The following SDK1 variants were observed in gnomAD, a reference collection of about 807,000 sequenced individuals.
SDK1 encodes the protein sidekick cell adhesion molecule 1.
A neutral mutation model predicts 245.5 loss-of-function variants in SDK1; 157 were observed. That is an observed-to-expected ratio of 0.64 (90% CI 0.56 to 0.73). The LOEUF is 0.73. Ranked by LOEUF, SDK1 falls within the 30% of genes least tolerant of loss-of-function variation. The pLI is 0.00. For synonymous variants in SDK1, 1,647 were observed against 1,278.5 expected (o/e 1.29, Z -6.15); for missense variants, 3,583 against 3,002.3 (o/e 1.19, Z -4.52).
chr7:3,768,862 C>A (rs1181318464), intron 4 of SDK1, among the ~76,000 whole-genome samples: 1 of 152,212 alleles, frequency 6.6e-6, no homozygotes, highest in Non-Finnish European at 1.5e-5. Context: ...TCCTTCCCCA[C>A]TCCTTTAGAT....
chr7:4,168,729 C>G (rs982470682), intron 32 of SDK1, among the ~76,000 whole-genome samples: 2 of 152,336 alleles, frequency 1.3e-5, no homozygotes, highest in Admixed American at 1.3e-4. Context: ...CAGGTCTATT[C>G]TGGGGCGAGA....
At position 3,909,353 on chromosome 7, in the gene SDK1, G is replaced by C. The variant is rs558183420; in HGVS notation, c.848-41570G>C. ...CTGCGGGGCGGACACCCCATCTACT[G>C]TGCAGGCACTGCTGTTGGCTCCTGT... On this transcript the variant is annotated intron_variant, in intron 5 of 44. Coordinates refer to ENST00000404826, the MANE Select transcript of SDK1 (RefSeq NM_152744.4). Among the ~76,000 whole-genome samples the C allele has an allele frequency of 3.9e-5, 6 of 152,306 alleles. No individual in the cohort carries two copies. In the East Asian group the frequency reaches 1.2e-3, roughly 29 times the overall value.
At chr7:4,007,422 C>T (rs1483787491) in intron 14 of SDK1, among the ~76,000 whole-genome samples, 2 of 152,102 alleles carry the variant, frequency 1.3e-5, no homozygotes, top group African/African-American at 2.4e-5. Context: ...CCCTCATCTA[C>T]AGGAAGCCTC....
intron 5 of SDK1, among the ~76,000 whole-genome samples, chr7:3,908,887 A>G (rs897039404): frequency 1.3e-5 from 2 of 150,262 alleles, no homozygotes; most frequent in African/African-American, 4.9e-5. Flanking sequence ...TTAGAAAGGT[A>G]TGGGTTGGAC....
chr7:3,622,585 C>T (rs376935964), intron 2 of SDK1, among the ~76,000 whole-genome samples: 1 of 152,156 alleles, frequency 6.6e-6, no homozygotes, highest in South Asian at 2.1e-4. Flanking sequence ...AGACAACTTG[C>T]AGTCAACTTA....
chr7:3,344,018 C>CAAAAAAAAAAAAAAA (rs397939224), intron 1 of SDK1, among the ~76,000 whole-genome samples: 2 of 122,544 alleles, frequency 1.6e-5, no homozygotes, highest in Non-Finnish European at 3.6e-5. Context: ...CACATACAAC[C>CAAAAAAAAAAAAAAA]AAAAAAAAAA....
At chr7:4,139,721 ATGTGTGTGTGTGTGTATGTG>A (rs1779435295) in intron 28 of SDK1, among the ~76,000 whole-genome samples, 18 of 110,662 alleles carry the variant, frequency 1.6e-4, no homozygotes, top group African/African-American at 5.6e-4. Flanking sequence ...GTGTGTGTGT[ATGTGTGTGTGTGTGTATGTG>A]TGTGTGTGTG....
chr7:4,207,702 T>C (rs1562433572), intron 36 of SDK1, among the ~76,000 whole-genome samples: 1 of 151,778 alleles, frequency 6.6e-6, no homozygotes, highest in African/African-American at 2.4e-5. Context: ...CTCCAGAAGA[T>C]GGGGGAGAGG....
intron 44 of SDK1, among the ~76,000 whole-genome samples, chr7:4,248,525 C>G (rs889456897): frequency 1.3e-5 from 2 of 151,618 alleles, no homozygotes; most frequent in Non-Finnish European, 2.9e-5. Flanking sequence ...TGCACACATA[C>G]GTACACATAC....
chr7:3,378,909 G>T (rs1781416946), intron 1 of SDK1, among the ~76,000 whole-genome samples: 1 of 152,040 alleles, frequency 6.6e-6, no homozygotes, highest in African/African-American at 2.4e-5. Flanking sequence ...AGAGTTGCAT[G>T]CATGCTCACC....
intron 5 of SDK1, among the ~76,000 whole-genome samples, chr7:3,860,644 T>A (rs1452163672): frequency 6.6e-6 from 1 of 152,216 alleles, no homozygotes; most frequent in Non-Finnish European, 1.5e-5. Flanking sequence ...TGAGTCCTTT[T>A]AAATTATCAG....
At chr7:3,678,171 G>A (rs2114980007) in intron 4 of SDK1, among the ~76,000 whole-genome samples, 1 of 152,304 alleles carries the variant, frequency 6.6e-6, no homozygotes, top group Non-Finnish European at 1.5e-5. Context: ...GGGTCCTTGT[G>A]CATTGCTGGT....
At chr7:3,402,280 A>C (rs1583805196) in intron 1 of SDK1, among the ~76,000 whole-genome samples, 1 of 152,206 alleles carries the variant, frequency 6.6e-6, no homozygotes, top group African/African-American at 2.4e-5. Context: ...GATATCTGTT[A>C]TAAAGGATGG....
intron 14 of SDK1, among the ~76,000 whole-genome samples, chr7:3,990,585 G>A (rs1221525038): frequency 2.0e-5 from 3 of 152,198 alleles, no homozygotes; most frequent in Non-Finnish European, 4.4e-5. Context: ...GGGAGAGCTC[G>A]TGTCATCTGA....
chr7:3,977,753 T>C (rs1019961469), intron 13 of SDK1, among the ~76,000 whole-genome samples: 2 of 152,244 alleles, frequency 1.3e-5, no homozygotes, highest in African/African-American at 4.8e-5. Context: ...CCTCTCCTCC[T>C]GGAACAGAAG....
intron 1 of SDK1, among the ~76,000 whole-genome samples, chr7:3,572,331 C>T (rs183572725): frequency 2.6e-5 from 4 of 152,028 alleles, no homozygotes; most frequent in Admixed American, 2.6e-4. Context: ...GGCAAAAACG[C>T]CTCAGTGAAG....
chr7:3,967,462 C>T (rs747638745), intron 10 of SDK1, 28 bp downstream of exon 10: 2 of 1,363,654 alleles, frequency 1.5e-6, no homozygotes, highest in South Asian at 2.3e-5. Flanking sequence ...CCCACAACAG[C>T]ATGGCCCATG....
At chr7:3,797,786 G>C (rs1778999123) in intron 4 of SDK1, among the ~76,000 whole-genome samples, 1 of 151,986 alleles carries the variant, frequency 6.6e-6, no homozygotes, top group Admixed American at 6.6e-5. Context: ...TTTCAGAACT[G>C]TTTCTCTCCT....
chr7:3,599,078 G>T (rs2128638089), intron 1 of SDK1, among the ~76,000 whole-genome samples: 1 of 148,332 alleles, frequency 6.7e-6, no homozygotes, highest in East Asian at 2.0e-4. Flanking sequence ...CAGCAATGTG[G>T]GACTAATCCA....
Sources: gnomAD v4.1 joint callset for allele counts (sites outside exome capture counted in the v4.1 genomes callset) on GRCh38, gnomAD v4.1.1 for gene constraint, MANE v1.5 for transcripts, NCBI Gene and HGNC (gene_info 2026-07-23, HGNC 2026-07-21) for gene names.